B3GALT1: variants seen among roughly 807,000 people sequenced by gnomAD.
B3GALT1 encodes beta-1,3-galactosyltransferase 1, also known as UDP-Gal:betaGlcNAc beta 1,3-galactosyltransferase, polypeptide 1.
In B3GALT1, 10 loss-of-function variants were observed where a neutral mutation model predicts 23.2. The ratio of observed to expected loss-of-function variants is 0.43; its 90% confidence interval spans 0.27 to 0.73. The LOEUF is 0.73. Among genes scored for constraint, B3GALT1 ranks in the 30% least tolerant of loss-of-function variants. The probability of loss-of-function intolerance (pLI) is 0.21; values close to 1 mark genes in which losing one functional copy is unlikely to be tolerated. For missense variants in B3GALT1, 299 were observed against 405.4 expected, an observed-to-expected ratio of 0.74 and a Z score of 2.25; for synonymous variants, 156 against 141.5, an observed-to-expected ratio of 1.10 and a Z score of -0.73.
chr2:167,347,563 T>A (rs181403576), intron 1 of B3GALT1, among the ~76,000 whole-genome samples: 2 of 152,242 alleles, frequency 1.3e-5, no homozygotes, highest in East Asian at 3.9e-4. Flanking sequence ...AAAGGAAAAT[T>A]AAGTTATATG....
At chr2:167,730,005 C>A (rs904145556) in intron 3 of B3GALT1, among the ~76,000 whole-genome samples, 1 of 152,094 alleles carries the variant, frequency 6.6e-6, no homozygotes, top group Non-Finnish European at 1.5e-5. Context: ...TTATAGCTGA[C>A]CTGCAGTGCC....
At chr2:167,597,206 T>C (rs182311594) in intron 2 of B3GALT1, among the ~76,000 whole-genome samples, 3 of 151,462 alleles carry the variant, frequency 2.0e-5, no homozygotes, top group Admixed American at 1.3e-4. Flanking sequence ...AACTCCGCCT[T>C]CCGGGTTCAT....
At chr2:167,571,724 A>C (rs1288963999) in intron 2 of B3GALT1, among the ~76,000 whole-genome samples, 1 of 151,922 alleles carries the variant, frequency 6.6e-6, no homozygotes, top group Non-Finnish European at 1.5e-5. Flanking sequence ...TAAGAATTAT[A>C]GTACCACTTT....
intron 2 of B3GALT1, among the ~76,000 whole-genome samples, chr2:167,625,763 C>T (rs1485823284): frequency 6.6e-6 from 1 of 150,802 alleles, no homozygotes; most frequent in Non-Finnish European, 1.5e-5. Context: ...TTGTTTCTGT[C>T]CCCCCCTTTA....
At chr2:167,778,692 C>T (rs1255806500) in intron 3 of B3GALT1, among the ~76,000 whole-genome samples, 1 of 152,154 alleles carries the variant, frequency 6.6e-6, no homozygotes, top group African/African-American at 2.4e-5. Context: ...TTTTAACAAA[C>T]AGAATCTTAT....
intron 1 of B3GALT1, among the ~76,000 whole-genome samples, chr2:167,412,867 T>C (rs1286424289): frequency 1.3e-5 from 2 of 152,142 alleles, no homozygotes; most frequent in Non-Finnish European, 2.9e-5. Context: ...TATTCTCATA[T>C]TTGAGTACCT....
intron 2 of B3GALT1, among the ~76,000 whole-genome samples, chr2:167,579,225 A>C (rs747293710): frequency 1.7e-4 from 26 of 151,998 alleles, no homozygotes; most frequent in Non-Finnish European, 2.9e-4. Context: ...TATGACCCCA[A>C]TCTTGATTTC....
chr2:167,344,945 G>A (rs1396934369), intron 1 of B3GALT1, among the ~76,000 whole-genome samples: 2 of 152,128 alleles, frequency 1.3e-5, no homozygotes, highest in Admixed American at 1.3e-4. Flanking sequence ...GATTTACACA[G>A]ACTATAAAAG....
intron 2 of B3GALT1, among the ~76,000 whole-genome samples, chr2:167,617,051 G>A (rs1392269426): frequency 6.6e-6 from 1 of 152,030 alleles, no homozygotes; most frequent in Non-Finnish European, 1.5e-5. Context: ...TTGGAAGTAG[G>A]CAGTTTCAAG....
chr2:167,583,008 CT>C (rs1684515289), intron 2 of B3GALT1, among the ~76,000 whole-genome samples: 1 of 152,188 alleles, frequency 6.6e-6, no homozygotes, highest in African/African-American at 2.4e-5. Flanking sequence ...CCCCTAGTGA[CT>C]TGGTTGAACA....
chr2:167,600,461 A>G (rs1238314962), intron 2 of B3GALT1, among the ~76,000 whole-genome samples: 1 of 152,238 alleles, frequency 6.6e-6, no homozygotes, highest in Non-Finnish European at 1.5e-5. Flanking sequence ...ACAACCATCA[A>G]CACAATCAAA....
intron 2 of B3GALT1, among the ~76,000 whole-genome samples, chr2:167,521,432 A>G (rs1700186459): frequency 6.6e-6 from 1 of 152,094 alleles, no homozygotes; most frequent in African/African-American, 2.4e-5. Context: ...TACCACTTTA[A>G]TGGCTGTATA....
At chr2:167,714,642 T>C in intron 3 of B3GALT1, 1 of 1,613,864 alleles carries the variant, frequency 6.2e-7, no homozygotes, top group Non-Finnish European at 8.5e-7. Flanking sequence ...CTTAAATCAT[T>C]GAGGTTTCTT....
At chr2:167,714,150 G>C (rs1400922706) in intron 3 of B3GALT1, 1 of 1,524,546 alleles carries the variant, frequency 6.6e-7, no homozygotes, top group African/African-American at 1.4e-5. Flanking sequence ...AAACTTCTGA[G>C]TTCTGCTGGT....
At chr2:167,395,783 T>G (rs1234592742) in intron 1 of B3GALT1, among the ~76,000 whole-genome samples, 1 of 152,012 alleles carries the variant, frequency 6.6e-6, no homozygotes, top group East Asian at 1.9e-4. Context: ...TTCATACTTC[T>G]TGAAAAAAAA....
chr2:167,563,295 TAG>T (rs1684056604), intron 2 of B3GALT1, among the ~76,000 whole-genome samples: 1 of 111,890 alleles, frequency 8.9e-6, no homozygotes, highest in African/African-American at 4.3e-5. Context: ...CACTTCCCAG[TAG>T]GGGCGGCCGG....
intron 3 of B3GALT1, among the ~76,000 whole-genome samples, chr2:167,719,859 G>A (rs1390196204): frequency 6.6e-6 from 1 of 151,942 alleles, no homozygotes; most frequent in Non-Finnish European, 1.5e-5. Flanking sequence ...TTAAACCCAG[G>A]AGGCAGAGGT....
chr2:167,849,803 T>C (rs1007339691), intron 4 of B3GALT1, among the ~76,000 whole-genome samples: 19 of 145,826 alleles, frequency 1.3e-4, no homozygotes, highest in Non-Finnish European at 1.8e-4. Context: ...GGCAGGAGAA[T>C]GGCGTGAACC....
chr2:167,564,699 A>T (rs1684118656), intron 2 of B3GALT1, among the ~76,000 whole-genome samples: 1 of 152,236 alleles, frequency 6.6e-6, no homozygotes, highest in Admixed American at 6.5e-5. Context: ...AATCACAAGC[A>T]TTCTTATACA....
Sources: allele counts gnomAD v4.1 joint callset (sites outside exome capture counted in the v4.1 genomes callset), GRCh38; gene constraint gnomAD v4.1.1; transcripts MANE v1.5; gene names NCBI Gene and HGNC (gene_info 2026-07-23, HGNC 2026-07-21).